Variants in ZNF185 observed in about 807,000 individuals in gnomAD.
The protein encoded by ZNF185 is zinc finger protein 185.
A neutral mutation model predicts 58.6 loss-of-function variants in ZNF185; 56 were observed. The observed-to-expected ratio is 0.95, with a 90% CI of 0.77 to 1.19. ZNF185 has a LOEUF of 1.19. ZNF185 is among the 50% of genes most tolerant of loss of function. The pLI, the probability that ZNF185 is intolerant of heterozygous loss-of-function variation, is 0.00. For synonymous variants in ZNF185, 230 were observed against 215.9 expected (o/e 1.07, Z -0.57); for missense variants, 627 against 573.5 (o/e 1.09, Z -0.95).
upstream of ZNF185, among the ~76,000 whole-genome samples, chrX:152,912,829 G>C (rs191023386): frequency 3.1e-4 from 35 of 112,515 alleles, no homozygotes; most frequent in African/African-American, 1.1e-3. Context: ...CCACTCCACA[G>C]GTTGCTGGGA....
chrX:152,920,363 C>G, exon 8 of ZNF185: 1 of 1,210,987 alleles, frequency 8.3e-7, no homozygotes, highest in Non-Finnish European at 1.1e-6. Flanking sequence ...AGGAGGACAG[C>G]TCCCCGGGAG....
At chrX:152,966,414 T>A (rs1556914747) in intron 19 of ZNF185, among the ~76,000 whole-genome samples, 1 of 111,495 alleles carries the variant, frequency 9.0e-6, no homozygotes, top group African/African-American at 3.3e-5. Context: ...TGGAGGATTT[T>A]AGCAACAGAG....
intron 16 of ZNF185, among the ~76,000 whole-genome samples, chrX:152,955,998 T>C (rs1556904469): frequency 3.5e-5 from 1 of 28,685 alleles, no homozygotes; most frequent in East Asian, 1.1e-3. Context: ...TTTAGTTACC[T>C]AGTTACCATC....
chrX:152,970,040 C>T (rs1211802714), intron 21 of ZNF185, among the ~76,000 whole-genome samples: 1 of 111,585 alleles, frequency 9.0e-6, no homozygotes, highest in East Asian at 2.8e-4. Context: ...AGGCTTCTGT[C>T]CTCCCCACAG....
intron 13 of ZNF185, among the ~76,000 whole-genome samples, chrX:152,932,185 C>A (rs181390552): frequency 1.8e-4 from 20 of 112,683 alleles, no homozygotes; most frequent in African/African-American, 5.8e-4. Context: ...ACCAAGCTGG[C>A]AGTCTGGGAG....
chrX:152,944,987 C>T (rs1316478664), intron 15 of ZNF185, among the ~76,000 whole-genome samples: 3 of 112,639 alleles, frequency 2.7e-5, no homozygotes, highest in African/African-American at 9.7e-5. Context: ...GAGTGAGACC[C>T]TGCCTCCAAA....
exon 21 of ZNF185, chrX:152,969,402 C>A: frequency 8.3e-7 from 1 of 1,207,502 alleles, no homozygotes; most frequent in Non-Finnish European, 1.1e-6. Flanking sequence ...GGGATCTGTA[C>A]TTACTGCAAC....
the ZNF185 span, among the ~76,000 whole-genome samples, chrX:152,903,271 C>T: frequency 9.4e-6 from 1 of 106,850 alleles, no homozygotes; most frequent in Admixed American, 1.0e-4. Context: ...CGTCTGTAAT[C>T]CCGGCCACTA....
At chrX:152,917,898 G>A (rs1938838466) in intron 5 of ZNF185, 167 bp from the exon 7 acceptor site, 1 of 1,090,832 alleles carries the variant, frequency 9.2e-7, no homozygotes. Context: ...TGCCTACACA[G>A]CTGCTCTGAG....
At chrX:152,955,906 A>G (rs782782950) in intron 16 of ZNF185, among the ~76,000 whole-genome samples, 23 of 110,082 alleles carry the variant, frequency 2.1e-4, no homozygotes, top group Non-Finnish European at 1.9e-4. Context: ...ACCTAAAAAA[A>G]AAAAAAAAAA....
intron 16 of ZNF185, among the ~76,000 whole-genome samples, chrX:152,946,140 C>A (rs1271312447): frequency 8.9e-6 from 1 of 112,667 alleles, no homozygotes. Flanking sequence ...GACACGTCAA[C>A]AGGCCAGTGA....
At chrX:152,937,972 C>G (rs2046544970) in intron 14 of ZNF185, 102 bp from the exon 17 acceptor site, 3 of 758,430 alleles carry the variant, frequency 4.0e-6, no homozygotes, top group South Asian at 5.1e-5. Flanking sequence ...CTGGAAGACA[C>G]AGTTCCTCCC....
At chrX:152,903,338 A>G in the ZNF185 span, among the ~76,000 whole-genome samples, 3 of 93,860 alleles carry the variant, frequency 3.2e-5, no homozygotes, top group East Asian at 3.8e-4. Flanking sequence ...GCAGTGAGCC[A>G]AGACTATGCC....
At chrX:152,928,738 G>T (rs962334398) in intron 12 of ZNF185, 77 bp downstream of exon 13, 145 of 1,054,830 alleles carry the variant, frequency 1.4e-4, no homozygotes, top group Middle Eastern at 7.6e-4. Context: ...GGTGGCAAAT[G>T]ATGAGGCCTA....
the ZNF185 span, among the ~76,000 whole-genome samples, chrX:152,898,338 C>T: frequency 2.0e-3 from 220 of 112,551 alleles, no homozygotes; most frequent in Non-Finnish European, 2.8e-3. Flanking sequence ...CTCAGTTTCC[C>T]CATCCATAAC....
At chrX:152,938,023 C>A in intron 14 of ZNF185, 51 bp from the exon 17 acceptor site, 4 of 1,127,932 alleles carry the variant, frequency 3.5e-6, no homozygotes, top group Non-Finnish European at 3.6e-6. Context: ...AGACCTGGGC[C>A]CCAGCCTTCT....
At chrX:152,961,886 A>G (rs1010890243) in intron 17 of ZNF185, among the ~76,000 whole-genome samples, 5 of 112,045 alleles carry the variant, frequency 4.5e-5, no homozygotes, top group Non-Finnish European at 7.5e-5. Context: ...CCTAACCGAG[A>G]TTAGAATCCA....
chrX:152,935,785 C>T (rs1221095261), intron 14 of ZNF185, among the ~76,000 whole-genome samples: 1 of 111,973 alleles, frequency 8.9e-6, no homozygotes, highest in East Asian at 2.8e-4. Flanking sequence ...CAAACAAGAG[C>T]ACCTCTTAGT....
chrX:152,902,089 C>A, the ZNF185 span, among the ~76,000 whole-genome samples: 1 of 112,643 alleles, frequency 8.9e-6, no homozygotes, highest in South Asian at 3.7e-4. Flanking sequence ...CAATTCCTCA[C>A]CCACTCATTA....
Sources: allele counts gnomAD v4.1 joint callset (sites outside exome capture counted in the v4.1 genomes callset), GRCh38; gene constraint gnomAD v4.1.1; transcripts MANE v1.5; gene names NCBI Gene and HGNC (gene_info 2026-07-23, HGNC 2026-07-21).